GPR89B: variants seen among roughly 807,000 people sequenced by gnomAD.
GPR89B encodes golgi pH regulator B, also known as G protein-coupled receptor 89B.
Under a neutral mutation model 52.4 loss-of-function variants are expected in GPR89B, and 25 were observed. That is an observed-to-expected ratio of 0.48 (90% CI 0.35 to 0.67). GPR89B has a LOEUF of 0.67. GPR89B is among the 30% of genes least tolerant of loss of function. The pLI is 0.01. For missense variants in GPR89B, 146 were observed against 450.2 expected, an observed-to-expected ratio of 0.32 and a Z score of 6.11; for synonymous variants, 52 against 151.2, an observed-to-expected ratio of 0.34 and a Z score of 4.81.
the GPR89B span, among the ~76,000 whole-genome samples, chr1:147,999,393 G>T: frequency 6.7e-6 from 1 of 149,404 alleles, no homozygotes; most frequent in East Asian, 2.0e-4. Flanking sequence ...CGGATCACAA[G>T]GTCAGGAGAT....
chr1:147,980,746 G>C (rs1488163141), intron 10 of GPR89B, among the ~76,000 whole-genome samples: 1 of 147,874 alleles, frequency 6.8e-6, no homozygotes, highest in East Asian at 2.0e-4. Flanking sequence ...GTGAACCCGG[G>C]AGGCGGAGCT....
intron 10 of GPR89B, among the ~76,000 whole-genome samples, chr1:147,977,967 G>C (rs1657964198): frequency 1.3e-5 from 2 of 151,860 alleles, no homozygotes; most frequent in Admixed American, 6.5e-5. Flanking sequence ...TTACTGCCCA[G>C]CTTCTAAAGC....
chr1:147,934,629 C>T (rs1653928584), intron 1 of GPR89B, among the ~76,000 whole-genome samples: 3 of 152,298 alleles, frequency 2.0e-5, no homozygotes, highest in East Asian at 3.9e-4. Flanking sequence ...AAACTTCCTT[C>T]GGCTCGGGCA....
At chr1:148,012,791 G>A in the GPR89B span, among the ~76,000 whole-genome samples, 1 of 151,950 alleles carries the variant, frequency 6.6e-6, no homozygotes. Context: ...TGAAGGCTTT[G>A]ATTGCTGGCA....
rs1658668322 is a variant in GPR89B at position 147,986,338 on chromosome 1, A to T, written c.1005+44A>T. The T allele has an allele frequency of 3.1e-6, 5 of 1,610,810 alleles. No individual in the cohort carries two copies. The South Asian group carries it at 3.3e-5, about 11-fold the overall frequency. On this transcript the variant is annotated intron_variant, in intron 11 of 13. Coordinates refer to ENST00000314163, the MANE Select transcript of GPR89B (RefSeq NM_016334.5). ...TCCTGGTTTGTCATGTTTCTGTTTTATCTGCTATAACTTATCATTGTTAAG... is the reference window on the plus strand; with the variant it reads ...TCCTGGTTTGTCATGTTTCTGTTTTTTCTGCTATAACTTATCATTGTTAAG...
intron 10 of GPR89B, among the ~76,000 whole-genome samples, chr1:147,979,898 G>T (rs1430846248): frequency 2.0e-5 from 3 of 151,790 alleles, no homozygotes; most frequent in South Asian, 2.1e-4. Flanking sequence ...AGACCAGCCT[G>T]GGCAGCATAG....
At chr1:148,005,765 C>T in the GPR89B span, among the ~76,000 whole-genome samples, 1 of 152,004 alleles carries the variant, frequency 6.6e-6, no homozygotes, top group Non-Finnish European at 1.5e-5. Flanking sequence ...ATACCCTTTC[C>T]CTATGGTATA....
At chr1:147,939,998 TGA>T (rs1244584991) in intron 3 of GPR89B, among the ~76,000 whole-genome samples, 4 of 150,272 alleles carry the variant, frequency 2.7e-5, no homozygotes, top group Admixed American at 2.0e-4. Flanking sequence ...AAAAAAAGAG[TGA>T]GAGAGAGAGA....
the GPR89B span, among the ~76,000 whole-genome samples, chr1:148,009,878 G>A: frequency 2.0e-5 from 3 of 152,016 alleles, no homozygotes; most frequent in South Asian, 2.1e-4. Context: ...AACACAGGCC[G>A]CTAAGAAAGG....
the GPR89B span, among the ~76,000 whole-genome samples, chr1:148,008,223 T>C: frequency 6.6e-6 from 1 of 152,246 alleles, no homozygotes; most frequent in Non-Finnish European, 1.5e-5. Context: ...TTGTTATATA[T>C]TTGTCATGAA....
the GPR89B span, among the ~76,000 whole-genome samples, chr1:148,000,239 TTAAG>T: frequency 5.3e-5 from 8 of 151,454 alleles, no homozygotes; most frequent in African/African-American, 1.9e-4. Context: ...TAGTGCCACT[TTAAG>T]TATGTTAATA....
At chr1:147,986,158 A>G in intron 10 of GPR89B, 41 bp from the exon 11 acceptor site, 1 of 1,609,802 alleles carries the variant, frequency 6.2e-7, no homozygotes, top group African/African-American at 1.3e-5. Flanking sequence ...ATAGTAAGTG[A>G]TTGTTAAGAT....
intron 1 of GPR89B, among the ~76,000 whole-genome samples, chr1:147,930,726 C>A (rs1653516736): frequency 6.6e-6 from 1 of 152,148 alleles, no homozygotes. Flanking sequence ...GGATGAAGTT[C>A]AAACTCCTTT....
chr1:147,935,939 C>T (rs1220768674), intron 1 of GPR89B, among the ~76,000 whole-genome samples: 1 of 152,092 alleles, frequency 6.6e-6, no homozygotes, highest in Non-Finnish European at 1.5e-5. Context: ...GACGGGTTTT[C>T]ACCATGTTGG....
intron 3 of GPR89B, among the ~76,000 whole-genome samples, chr1:147,942,024 C>T (rs1367648142): frequency 6.6e-6 from 1 of 150,380 alleles, no homozygotes; most frequent in Non-Finnish European, 1.5e-5. Flanking sequence ...AGTGAACCAA[C>T]ATTCCAAAAA....
chr1:148,000,747 T>G, the GPR89B span, among the ~76,000 whole-genome samples: 1 of 132,798 alleles, frequency 7.5e-6, no homozygotes, highest in Non-Finnish European at 1.6e-5. Flanking sequence ...TCTGTTAAAC[T>G]AGACAACCTC....
At chr1:147,981,336 C>A (rs1367498234) in intron 10 of GPR89B, among the ~76,000 whole-genome samples, 3 of 151,186 alleles carry the variant, frequency 2.0e-5, no homozygotes, top group Non-Finnish European at 4.4e-5. Flanking sequence ...CACATACACA[C>A]ACACACACAC....
downstream of GPR89B, chr1:147,994,260 A>G: frequency 6.2e-7 from 1 of 1,600,738 alleles, no homozygotes; most frequent in Non-Finnish European, 8.5e-7. Flanking sequence ...ATACCCAGAA[A>G]CAGCTATCAA....
At chr1:148,021,596 A>C in the GPR89B span, among the ~76,000 whole-genome samples, 1 of 151,574 alleles carries the variant, frequency 6.6e-6, no homozygotes, top group East Asian at 1.9e-4. Context: ...CCGAGTGCAG[A>C]TGAGGGGAGC....
Sources: gnomAD v4.1 joint callset for allele counts (sites outside exome capture counted in the v4.1 genomes callset) on GRCh38, gnomAD v4.1.1 for gene constraint, MANE v1.5 for transcripts, NCBI Gene and HGNC (gene_info 2026-07-23, HGNC 2026-07-21) for gene names.